EPB41L5: variants seen among roughly 807,000 people sequenced by gnomAD.
EPB41L5 encodes the protein erythrocyte membrane protein band 4.1 like 5, also known as band 4.1-like protein 5.
EPB41L5 carries 55 observed loss-of-function variants against 106.6 expected under a neutral mutation model. The observed-to-expected ratio is 0.52, with a 90% CI of 0.42 to 0.65. EPB41L5 has a LOEUF of 0.65. Among genes scored for constraint, EPB41L5 ranks in the 30% least tolerant of loss-of-function variants. The probability of loss-of-function intolerance (pLI) is 0.00; values close to 1 mark genes in which losing one functional copy is unlikely to be tolerated. For missense variants in EPB41L5, 871 were observed against 882.1 expected (o/e 0.99, Z 0.16); for synonymous variants, 297 against 306.7 (o/e 0.97, Z 0.33).
At chr2:120,067,702 C>T (rs1349754368) in intron 3 of EPB41L5, among the ~76,000 whole-genome samples, 3 of 152,146 alleles carry the variant, frequency 2.0e-5, no homozygotes, top group Non-Finnish European at 4.4e-5. Context: ...TAATTTTACT[C>T]TGAAGGTTCT....
intron 2 of EPB41L5, among the ~76,000 whole-genome samples, chr2:120,020,815 T>TGA (rs1677868943): frequency 5.0e-5 from 1 of 20,184 alleles, no homozygotes; most frequent in Non-Finnish European, 1.1e-4. Flanking sequence ...GTAGAATTTG[T>TGA]AAAAAAAAAA....
At chr2:120,029,876 C>T (rs572583550) in intron 2 of EPB41L5, among the ~76,000 whole-genome samples, 1 of 152,204 alleles carries the variant, frequency 6.6e-6, no homozygotes, top group South Asian at 2.1e-4. Context: ...CTCCTCTCAC[C>T]TTAGGGTCAG....
intron 2 of EPB41L5, among the ~76,000 whole-genome samples, chr2:120,039,242 A>C (rs1487014001): frequency 6.6e-6 from 1 of 152,046 alleles, no homozygotes; most frequent in Non-Finnish European, 1.5e-5. Flanking sequence ...TAGAGACAGA[A>C]AGTATTAATG....
intron 21 of EPB41L5, among the ~76,000 whole-genome samples, chr2:120,161,264 G>A (rs1286689876): frequency 6.6e-6 from 1 of 151,950 alleles, no homozygotes; most frequent in Non-Finnish European, 1.5e-5. Flanking sequence ...TATGGTCCCA[G>A]CTTCTCAGGA....
intron 20 of EPB41L5, among the ~76,000 whole-genome samples, chr2:120,154,498 G>A (rs896936825): frequency 2.8e-4 from 42 of 152,002 alleles, no homozygotes; most frequent in Admixed American, 2.5e-3. Context: ...TCCCTTAGTG[G>A]TTATTTTGGA....
intron 15 of EPB41L5, 129 bp from the exon 16 acceptor site, chr2:120,100,570 A>G (rs1684077541): frequency 1.4e-6 from 1 of 721,164 alleles, no homozygotes; most frequent in African/African-American, 1.8e-5. Flanking sequence ...TCTAAGGTGT[A>G]TATAAAATTC....
chr2:120,090,048 T>C (rs922137521), intron 11 of EPB41L5, among the ~76,000 whole-genome samples: 1 of 152,000 alleles, frequency 6.6e-6, no homozygotes, highest in Non-Finnish European at 1.5e-5. Context: ...ATATGATTCC[T>C]CAAATTATAA....
chr2:120,029,394 G>A (rs898975977), intron 2 of EPB41L5, among the ~76,000 whole-genome samples: 1 of 152,046 alleles, frequency 6.6e-6, no homozygotes, highest in Non-Finnish European at 1.5e-5. Flanking sequence ...TTTGTATTTC[G>A]TATATTGGTC....
Position 120,167,947 on chromosome 2 carries a change from A to G in EPB41L5, c.2075A>G (p.Asn692Ser), listed in dbSNP as rs1317717071. ...TTGACAGGGAAGGAGGGACATGGTA[A>G]TAAAGATGGAATCTCACTGATCTCT... ...MLLTGKEGHGNKDGISLISPP... is the reference protein window; with the variant it reads ...MLLTGKEGHGSKDGISLISPP... The change falls in exon 24 of 25, where the codon AAT (asparagine) becomes AGT (serine). Residue 692 changes from asparagine (N) to serine (S), a missense_variant. By Grantham distance (46) the Asn-to-Ser change is conservative. Coordinates refer to ENST00000263713, the MANE Select transcript of EPB41L5 (RefSeq NM_020909.4). 6.2e-7 allele frequency: 1 copy of G among 1,614,056 alleles called. No homozygotes were observed. Among genetic ancestry groups the G allele is most frequent in the African/African-American group, 1.3e-5 (1 of 74,926 alleles).
At chr2:120,039,290 G>A (rs1342422167) in intron 2 of EPB41L5, among the ~76,000 whole-genome samples, 1 of 152,104 alleles carries the variant, frequency 6.6e-6, no homozygotes, top group Non-Finnish European at 1.5e-5. Flanking sequence ...AGGGCAAGTG[G>A]GGGATGATTT....
chr2:120,094,876 C>G (rs1194849689), intron 14 of EPB41L5, among the ~76,000 whole-genome samples: 1 of 151,882 alleles, frequency 6.6e-6, no homozygotes, highest in African/African-American at 2.4e-5. Context: ...TTATTTTTTT[C>G]TAATTTTATT....
chr2:120,119,642 T>A (rs1038940420), intron 16 of EPB41L5, among the ~76,000 whole-genome samples: 6 of 151,942 alleles, frequency 3.9e-5, no homozygotes, highest in Non-Finnish European at 7.4e-5. Flanking sequence ...TCTTTTTTTT[T>A]AACACATGCC....
At chr2:120,083,507 A>C (rs1404612443) in intron 10 of EPB41L5, among the ~76,000 whole-genome samples, 1 of 152,100 alleles carries the variant, frequency 6.6e-6, no homozygotes, top group Non-Finnish European at 1.5e-5. Flanking sequence ...TTTGCTGAGG[A>C]GTGTTTTACT....
intron 18 of EPB41L5, among the ~76,000 whole-genome samples, chr2:120,138,041 A>T (rs933775628): frequency 2.0e-5 from 3 of 152,066 alleles, no homozygotes; most frequent in African/African-American, 7.2e-5. Flanking sequence ...TGTAATAAGG[A>T]TGGGTTAGCA....
intron 20 of EPB41L5, 176 bp from the exon 21 acceptor site, chr2:120,160,705 G>A (rs1687102592): frequency 1.7e-6 from 1 of 572,700 alleles, no homozygotes; most frequent in African/African-American, 1.9e-5. Flanking sequence ...TTTAACTGGA[G>A]CGAGATGATG....
intron 16 of EPB41L5, among the ~76,000 whole-genome samples, chr2:120,122,811 T>C (rs1685285283): frequency 6.6e-6 from 1 of 152,248 alleles, no homozygotes; most frequent in African/African-American, 2.4e-5. Context: ...TCCATGAGCA[T>C]GGAATGTTCT....
In EPB41L5 at chr2:120,166,832, A is replaced by G. The variant is rs1416805820; in HGVS notation, c.1963-634A>G. Among the ~76,000 whole-genome samples the G allele has an allele frequency of 2.0e-5, 3 of 152,370 alleles. No individual in the cohort carries two copies. The East Asian group carries it at 5.8e-4, about 29-fold the overall frequency. On this transcript the variant is annotated intron_variant, in intron 22 of 24. Transcript: ENST00000263713. ...ATGTAAGGCCACCAATGCAAGGACT[A>G]GTCTAAATTACTAGTAAAATGGGTG...
At position 120,175,664 on chromosome 2, in the gene EPB41L5, G is replaced by T. The variant is rs1188713793; in HGVS notation, c.*757G>T. 3 of 151,998 alleles carry T rather than the reference G, an allele frequency of 2.0e-5. No homozygotes were observed. The highest frequency in any genetic ancestry group is 7.3e-5 in the African/African-American group (3 of 41,346). The allele number at this position is 151,998 out of a possible 1,614,324, so 9.4% of individuals were successfully genotyped here. A position where few individuals can be genotyped will look rare whatever the true frequency, so the allele number is the denominator to read the frequency against. On this transcript the variant is annotated 3_prime_UTR_variant, in exon 25 of 25. Coordinates refer to ENST00000263713, the MANE Select transcript of EPB41L5 (RefSeq NM_020909.4). ...ACACGTATCATGTAACTTATCAGTGGGGTGGGTTACTGTTGAAGAGACCCT... is the reference window on the plus strand; with the variant it reads ...ACACGTATCATGTAACTTATCAGTGTGGTGGGTTACTGTTGAAGAGACCCT...
At chr2:120,107,250 A>G (rs1444662571) in intron 16 of EPB41L5, among the ~76,000 whole-genome samples, 2 of 152,160 alleles carry the variant, frequency 1.3e-5, no homozygotes, top group African/African-American at 4.8e-5. Context: ...TGGTCAGGGC[A>G]CACTCTTCAT....
Sources: gnomAD v4.1 joint callset for allele counts (sites outside exome capture counted in the v4.1 genomes callset) on GRCh38, gnomAD v4.1.1 for gene constraint, MANE v1.5 for transcripts, NCBI Gene and HGNC (gene_info 2026-07-23, HGNC 2026-07-21) for gene names.